NLGN4Y: variants seen among roughly 807,000 people sequenced by gnomAD.
The protein encoded by NLGN4Y is neuroligin 4 Y-linked, also known as neuroligin-4, Y-linked.
NLGN4Y carries 4 observed loss-of-function variants against 8.4 expected under a neutral mutation model. The ratio of observed to expected loss-of-function variants is 0.48; its 90% CI spans 0.23 to 1.09. The LOEUF (loss-of-function observed/expected upper bound fraction) is 1.09. Ranked by LOEUF, NLGN4Y falls within the 50% of genes least tolerant of loss-of-function variation. NLGN4Y has a pLI of 0.19. For synonymous variants in NLGN4Y, 35 were observed against 75.6 expected (o/e 0.46, Z 2.78); for missense variants, 90 against 192.3 (o/e 0.47, Z 3.15).
chrY:14,670,811 T>C (rs1054390771), intron 2 of NLGN4Y, among the ~76,000 whole-genome samples: 1 of 33,778 alleles, frequency 3.0e-5, no homozygotes, highest in African/African-American at 1.2e-4. Flanking sequence ...CATGTATACA[T>C]ACTGGTATAT....
intron 1 of NLGN4Y, among the ~76,000 whole-genome samples, chrY:14,576,806 G>A: frequency 3.0e-5 from 1 of 33,336 alleles, no homozygotes; most frequent in Non-Finnish European, 7.4e-5. Flanking sequence ...CAAGGGCCTG[G>A]GCTCCCTGTC....
At chrY:14,626,854 C>G (rs773531793) in intron 2 of NLGN4Y, among the ~76,000 whole-genome samples, 218 of 32,802 alleles carry the variant, frequency 6.6e-3, no homozygotes, top group Non-Finnish European at 0.012. Flanking sequence ...ATATAGAGTG[C>G]CGATTGCTGC....
intron 1 of NLGN4Y, among the ~76,000 whole-genome samples, chrY:14,580,802 G>T (rs538721271): frequency 0.063 from 1,579 of 24,939 alleles, no homozygotes; most frequent in East Asian, 0.041. Context: ...ATTGTACTGG[G>T]TGGAGGTGGC....
At chrY:14,579,573 A>G in intron 1 of NLGN4Y, among the ~76,000 whole-genome samples, 2 of 32,488 alleles carry the variant, frequency 6.2e-5, no homozygotes, top group Non-Finnish European at 1.5e-4. Flanking sequence ...ATTAGCCAGT[A>G]TGGTGGCACT....
chrY:14,577,572 G>A (rs2080303209), intron 1 of NLGN4Y, among the ~76,000 whole-genome samples: 1 of 34,523 alleles, frequency 2.9e-5, no homozygotes, highest in South Asian at 6.4e-4. Flanking sequence ...TTGTGTAACA[G>A]TGCTGAAATA....
chrY:14,798,791 C>A (rs2043021202), intron 4 of NLGN4Y: 1 of 33,550 alleles, frequency 3.0e-5, no homozygotes, highest in East Asian at 7.9e-4. Flanking sequence ...CCTATATCCT[C>A]CTTAGGTGGG....
At chrY:14,673,938 C>T (rs2080735255) in intron 2 of NLGN4Y, among the ~76,000 whole-genome samples, 1 of 30,403 alleles carries the variant, frequency 3.3e-5, no homozygotes, top group Non-Finnish European at 7.8e-5. Flanking sequence ...AACAAAAAAC[C>T]AAACACCGCA....
intron 4 of NLGN4Y, among the ~76,000 whole-genome samples, chrY:14,817,108 C>T: frequency 3.0e-5 from 1 of 33,649 alleles, no homozygotes; most frequent in Non-Finnish European, 7.4e-5. Context: ...CTTAGGTATG[C>T]TGCTGGTTGT....
intron 1 of NLGN4Y, among the ~76,000 whole-genome samples, chrY:14,584,838 T>C: frequency 3.0e-5 from 1 of 33,466 alleles, no homozygotes; most frequent in Non-Finnish European, 7.3e-5. Flanking sequence ...GTGCATTGAC[T>C]CATTCTTGTA....
chrY:14,716,635 C>T (rs573726640), intron 2 of NLGN4Y, among the ~76,000 whole-genome samples: 2,815 of 33,053 alleles, frequency 0.085, no homozygotes, highest in Non-Finnish European at 0.03. Flanking sequence ...AAGAATTGAT[C>T]AGTTGAACCT....
intron 1 of NLGN4Y, among the ~76,000 whole-genome samples, chrY:14,607,794 C>T (rs2080452287): frequency 2.9e-5 from 1 of 34,153 alleles, no homozygotes; most frequent in African/African-American, 1.1e-4. Context: ...CTTGAGGAAT[C>T]GCGACACTGT....
At chrY:14,743,519 G>A in intron 4 of NLGN4Y, among the ~76,000 whole-genome samples, 1 of 31,198 alleles carries the variant, frequency 3.2e-5, no homozygotes, top group Non-Finnish European at 7.7e-5. Context: ...AGTGAAAAGG[G>A]TGAGGATTGT....
chrY:14,580,095 G>A (rs2150485450), intron 1 of NLGN4Y, among the ~76,000 whole-genome samples: 6 of 27,324 alleles, frequency 2.2e-4, no homozygotes, highest in Non-Finnish European at 5.1e-4. Flanking sequence ...AGGAGGCTGA[G>A]GCAGGAGAAT....
intron 2 of NLGN4Y, among the ~76,000 whole-genome samples, chrY:14,656,836 A>T: frequency 3.5e-5 from 1 of 28,545 alleles, no homozygotes; most frequent in Middle Eastern, 0.016. Context: ...AGGCATTTTT[A>T]TAGTCTCAGA....
At chrY:14,592,532 G>A in intron 1 of NLGN4Y, among the ~76,000 whole-genome samples, 1 of 32,497 alleles carries the variant, frequency 3.1e-5, no homozygotes, top group Non-Finnish European at 7.5e-5. Context: ...GATCCAGCAG[G>A]TTCCTCAGGA....
intron 4 of NLGN4Y, among the ~76,000 whole-genome samples, chrY:14,769,698 G>A: frequency 3.1e-5 from 1 of 32,308 alleles, no homozygotes; most frequent in Admixed American, 2.8e-4. Context: ...CATTGAGACA[G>A]AACCATTTAC....
intron 1 of NLGN4Y, among the ~76,000 whole-genome samples, chrY:14,559,041 G>A: frequency 3.0e-5 from 1 of 33,412 alleles, no homozygotes; most frequent in Admixed American, 2.8e-4. Context: ...GGAATCAATA[G>A]AAAGGAGTGT....
chrY:14,595,944 G>A (rs939278149), intron 1 of NLGN4Y, among the ~76,000 whole-genome samples: 3 of 32,815 alleles, frequency 9.1e-5, no homozygotes, highest in African/African-American at 2.4e-4. Flanking sequence ...GAGAAAAATC[G>A]GATTTAGTGG....
intron 2 of NLGN4Y, among the ~76,000 whole-genome samples, chrY:14,625,916 A>G (rs2080525548): frequency 2.9e-5 from 1 of 33,981 alleles, no homozygotes; most frequent in Non-Finnish European, 7.3e-5. Context: ...TTAAATATAA[A>G]GCTTGGAAGA....
Sources: gnomAD v4.1 joint callset for allele counts (sites outside exome capture counted in the v4.1 genomes callset) on GRCh38, gnomAD v4.1.1 for gene constraint, MANE v1.5 for transcripts, NCBI Gene and HGNC (gene_info 2026-07-23, HGNC 2026-07-21) for gene names.